GCNT4: variants seen among roughly 807,000 people sequenced by gnomAD.
GCNT4 encodes the protein beta-1,3-galactosyl-O-glycosyl-glycoprotein beta-1,6-N-acetylglucosaminyltransferase 4.
A neutral mutation model predicts 31.3 loss-of-function variants in GCNT4; 17 were observed. That is an observed-to-expected ratio of 0.54 (90% confidence interval 0.37 to 0.81). The LOEUF (loss-of-function observed/expected upper bound fraction) is 0.81, where lower values mean the gene tolerates loss of function less well. GCNT4 is among the 40% of genes least tolerant of loss of function. The pLI, the probability that GCNT4 is intolerant of heterozygous loss-of-function variation, is 0.00. For missense variants in GCNT4, 503 were observed against 525.5 expected (o/e 0.96, Z 0.42); for synonymous variants, 158 against 190.6 (o/e 0.83, Z 1.41).
At chr5:75,053,307 G>A (rs1743630775), upstream of GCNT4, among the ~76,000 whole-genome samples, 1 of 152,030 alleles carries the variant, frequency 6.6e-6, no homozygotes, top group Non-Finnish European at 1.5e-5. Context: ...GAGAGGCCGG[G>A]GTTCAGCCCG....
At chr5:75,053,401 G>A (rs1266371917), upstream of GCNT4, among the ~76,000 whole-genome samples, 6 of 152,102 alleles carry the variant, frequency 3.9e-5, no homozygotes, top group African/African-American at 1.4e-4. Flanking sequence ...GCGGGAAAAC[G>A]AAAGTCGTGA....
At chr5:75,034,012 G>A (rs1405767697) in intron 3 of GCNT4, among the ~76,000 whole-genome samples, 4 of 152,198 alleles carry the variant, frequency 2.6e-5, no homozygotes, top group Admixed American at 2.0e-4. Context: ...CAAAGGACAT[G>A]AACTCATTCT....
At chr5:75,049,327 A>G (rs1743514937) in intron 2 of GCNT4, among the ~76,000 whole-genome samples, 1 of 152,136 alleles carries the variant, frequency 6.6e-6, no homozygotes, top group Non-Finnish European at 1.5e-5. Flanking sequence ...TGTTACGTTC[A>G]GCAGATCAAA....
At chr5:75,040,338 G>A (rs372391160) in intron 3 of GCNT4, among the ~76,000 whole-genome samples, 2 of 152,084 alleles carry the variant, frequency 1.3e-5, no homozygotes, top group Non-Finnish European at 2.9e-5. Context: ...TTGCTACAAG[G>A]AGTAGTTACT....
chr5:75,029,751 A>T lies in GCNT4; in HGVS notation c.287T>A (p.Ile96Asn), dbSNP rs1188110403. 1 of 1,614,114 alleles carries T rather than the reference A, an allele frequency of 6.2e-7. No homozygotes were observed. The highest frequency in any genetic ancestry group is 8.5e-7 in the Non-Finnish European group (1 of 1,180,020). ...CACAACATCATCATCCTCCAAGTCA[A>T]TGATGTCCCTTCTTCTTATTTCCAG... ...KSLEIRRRDIIDLEDDDVVAM... is the reference protein window; with the variant it reads ...KSLEIRRRDINDLEDDDVVAM... The change falls in exon 4 of 4, where the codon ATT becomes AAT. Residue 96 changes from isoleucine to asparagine, a missense_variant. Coordinates refer to ENST00000652361, the MANE Select transcript of GCNT4 (RefSeq NM_001366737.1).
intron 3 of GCNT4, among the ~76,000 whole-genome samples, chr5:75,046,896 A>G (rs546459704): frequency 2.0e-5 from 3 of 152,336 alleles, no homozygotes; most frequent in South Asian, 2.1e-4. Context: ...GATGCAGGAG[A>G]TGAAATCCTT....
intron 3 of GCNT4, among the ~76,000 whole-genome samples, chr5:75,034,378 G>C (rs577451019): frequency 2.0e-5 from 3 of 152,378 alleles, no homozygotes; most frequent in African/African-American, 7.2e-5. Flanking sequence ...CCCGGGCCTG[G>C]AGGAATGGGA....
chr5:75,024,612 C>T (rs907886358), downstream of GCNT4, among the ~76,000 whole-genome samples: 1 of 152,064 alleles, frequency 6.6e-6, no homozygotes, highest in African/African-American at 2.4e-5. Context: ...ACCAGCAAGG[C>T]CTGGGGACAC....
At chr5:75,030,186 G>C (rs1003811456) in intron 3 of GCNT4, 148 bp from the exon 4 acceptor site, 21 of 691,266 alleles carry the variant, frequency 3.0e-5, no homozygotes, top group Non-Finnish European at 5.1e-5. Context: ...AAAGAATCCA[G>C]AAATAAGGAA....
At chr5:75,045,246 T>C (rs1743412234) in intron 3 of GCNT4, among the ~76,000 whole-genome samples, 1 of 152,216 alleles carries the variant, frequency 6.6e-6, no homozygotes, top group Admixed American at 6.5e-5. Context: ...AACACGGTCA[T>C]TTTCCAACTG....
At chr5:75,038,152 A>G (rs529364340) in intron 3 of GCNT4, among the ~76,000 whole-genome samples, 1 of 152,200 alleles carries the variant, frequency 6.6e-6, no homozygotes, top group South Asian at 2.1e-4. Flanking sequence ...GTATATTATG[A>G]ACAAGTCCTA....
downstream of GCNT4, among the ~76,000 whole-genome samples, chr5:75,024,477 T>TA (rs1365320923): frequency 6.6e-6 from 1 of 152,112 alleles, no homozygotes; most frequent in East Asian, 1.9e-4. Flanking sequence ...TGGTGACTGT[T>TA]ATGGGTTTAG....
the GCNT4 span, among the ~76,000 whole-genome samples, chr5:75,018,636 A>G: frequency 1.3e-5 from 2 of 152,134 alleles, no homozygotes; most frequent in Non-Finnish European, 2.9e-5. Context: ...ATCTTCTGAC[A>G]GGGGAAGGGG....
At chr5:75,050,085 T>C (rs955465739) in intron 2 of GCNT4, among the ~76,000 whole-genome samples, 13 of 152,226 alleles carry the variant, frequency 8.5e-5, no homozygotes, top group African/African-American at 3.1e-4. Context: ...AGCTTGGGCC[T>C]GGTCCTAAGC....
chr5:75,037,874 CA>C (rs1473367931), intron 3 of GCNT4, among the ~76,000 whole-genome samples: 4 of 134,276 alleles, frequency 3.0e-5, no homozygotes, highest in African/African-American at 5.5e-5. Flanking sequence ...GATTCAGTCT[CA>C]AAAAAACAAA....
downstream of GCNT4, among the ~76,000 whole-genome samples, chr5:75,021,373 G>A (rs1390586886): frequency 2.0e-5 from 3 of 152,176 alleles, no homozygotes; most frequent in African/African-American, 7.2e-5. Context: ...GATTAGCCCC[G>A]TTTAGATCAG....
downstream of GCNT4, among the ~76,000 whole-genome samples, chr5:75,023,322 G>A (rs954903058): frequency 6.6e-6 from 1 of 152,148 alleles, no homozygotes; most frequent in African/African-American, 2.4e-5. Flanking sequence ...CATAAGTAGA[G>A]GCTGTAGTTG....
At chr5:75,033,736 G>T (rs537173371) in intron 3 of GCNT4, among the ~76,000 whole-genome samples, 4 of 151,370 alleles carry the variant, frequency 2.6e-5, no homozygotes, top group South Asian at 2.1e-4. Context: ...TCTTACATAG[G>T]TATACACGTG....
chr5:75,042,006 T>G (rs1003002348), intron 3 of GCNT4, among the ~76,000 whole-genome samples: 1 of 152,364 alleles, frequency 6.6e-6, no homozygotes, highest in Admixed American at 6.5e-5. Flanking sequence ...TCAAAAATAC[T>G]TATGCCTTCA....
Sources: allele counts gnomAD v4.1 joint callset (sites outside exome capture counted in the v4.1 genomes callset), GRCh38; gene constraint gnomAD v4.1.1; transcripts MANE v1.5; gene names NCBI Gene and HGNC (gene_info 2026-07-23, HGNC 2026-07-21).